The following TRAP1 variants were observed in gnomAD, a reference collection of about 807,000 sequenced individuals.
TRAP1 encodes heat shock protein 75 kDa, mitochondrial.
In TRAP1, 102 loss-of-function variants were observed where a neutral mutation model predicts 89.1. That is an observed-to-expected ratio of 1.15 (90% confidence interval 0.98 to 1.35). The LOEUF (loss-of-function observed/expected upper bound fraction) is 1.35. TRAP1 is among the 40% of genes most tolerant of loss of function. The probability of loss-of-function intolerance (pLI) is 0.00; values close to 1 mark genes in which losing one functional copy is unlikely to be tolerated. For missense variants in TRAP1, 1,256 were observed against 945.3 expected, an observed-to-expected ratio of 1.33 and a Z score of -4.31; for synonymous variants, 508 against 388.0, an observed-to-expected ratio of 1.31 and a Z score of -3.64.
intron 1 of TRAP1, among the ~76,000 whole-genome samples, chr16:3,712,844 G>T (rs530108778): frequency 1.3e-5 from 2 of 152,166 alleles, no homozygotes; most frequent in Non-Finnish European, 2.9e-5. Context: ...TCAAATTCCT[G>T]AACTCAAGTG....
Position 3,717,493 on chromosome 16 carries a change from G to T in TRAP1, c.16C>A (p.Arg6=). MAREL[R]ALLLWGRRLR... is the part of the protein sequence containing the mutation. ...CGGCGGCCCCACAGCAGCAGCGCCC[G>T]CAGCTCGCGCGCCATGTCGTACTCC... The change falls in exon 1 of 18, where the codon CGG becomes AGG. Residue 6 remains arginine, a synonymous_variant. Coordinates refer to ENST00000246957, the MANE Select transcript of TRAP1 (RefSeq NM_016292.3). The T allele has an allele frequency of 1.5e-6, 2 of 1,344,538 alleles. No individual in the cohort carries two copies. The highest frequency in any genetic ancestry group is 3.3e-5 in the East Asian group (1 of 30,456). The allele number at this position is 1,344,538 out of a possible 1,614,324, so 83.3% of individuals were successfully genotyped here.
At chr16:3,658,251 C>CCCATTATG in intron 17 of TRAP1, 21 bp from the exon 18 acceptor site, 1 of 1,596,798 alleles carries the variant, frequency 6.3e-7, no homozygotes, top group Non-Finnish European at 8.6e-7. Context: ...AGAGGAGAAA[C>CCCATTATG]CCATTATGAG....
intron 2 of TRAP1, 59 bp downstream of exon 2, chr16:3,690,768 C>T: frequency 7.5e-7 from 1 of 1,333,622 alleles, no homozygotes. Flanking sequence ...GAAAATGCCC[C>T]TTTACGCACA....
At chr16:3,701,729 G>A (rs1345308351) in intron 1 of TRAP1, among the ~76,000 whole-genome samples, 4 of 151,986 alleles carry the variant, frequency 2.6e-5, no homozygotes, top group Non-Finnish European at 5.9e-5. Context: ...CGTCCCTGAG[G>A]GAATATGTAC....
At chr16:3,692,718 C>G (rs1220046745) in intron 1 of TRAP1, among the ~76,000 whole-genome samples, 6 of 150,078 alleles carry the variant, frequency 4.0e-5, no homozygotes, top group Non-Finnish European at 8.9e-5. Flanking sequence ...CCTGCCTCAG[C>G]CTCCCGAGTA....
rs766726126 is a variant in TRAP1, at chr16:3,690,964, C to A, written c.110G>T (p.Arg37Leu). 5 of 1,539,182 alleles carry A rather than the reference C, an allele frequency of 3.2e-6. No homozygotes were observed. In the African/African-American group the frequency reaches 4.2e-5, roughly 13 times the overall value. Residue 37 changes from arginine to leucine, a missense_variant, in exon 2 of 18, where the codon CGG becomes CTG. Coordinates refer to ENST00000246957, the MANE Select transcript of TRAP1 (RefSeq NM_016292.3). ...VPGGKPILCP[R>L]RTTAQLGPRR... ...GGGGCCCAACTGGGCTGTGGTCCTC[C>A]GAGGACACAGAATTGGTTTTCCTGA...
intron 11 of TRAP1, among the ~76,000 whole-genome samples, chr16:3,667,772 T>C (rs1201487867): frequency 1.8e-3 from 18 of 9,980 alleles, no homozygotes; most frequent in African/African-American, 4.3e-3. Context: ...TTTTTTTTTT[T>C]CCATCCGACG....
rs1397284276 is a variant in TRAP1 at position 3,662,028 on chromosome 16, C to T, written c.1899G>A (p.Glu633=). The part of the protein sequence containing the change: ...RMQQLAKTQE[E]RAQLLQPTLE... Reference sequence around the variant, plus strand: ...GCGTGGGCTGCAGGAGCTGTGCGCGCTCCTCCTGGGTCTTGGCCAGCTGCT... The same window carrying T: ...GCGTGGGCTGCAGGAGCTGTGCGCGTTCCTCCTGGGTCTTGGCCAGCTGCT... The change falls in exon 16 of 18, where the codon GAG becomes GAA. Residue 633 remains glutamate (E), a synonymous_variant. Coordinates refer to ENST00000246957, the MANE Select transcript of TRAP1 (RefSeq NM_016292.3). The T allele has an allele frequency of 6.2e-7, 1 of 1,613,176 alleles. No homozygotes were observed. The highest frequency in any genetic ancestry group is 8.5e-7 in the Non-Finnish European group (1 of 1,179,928).
At chr16:3,687,840 CCT>C (rs2051157356) in intron 3 of TRAP1, among the ~76,000 whole-genome samples, 1 of 145,338 alleles carries the variant, frequency 6.9e-6, no homozygotes, top group Non-Finnish European at 1.5e-5. Flanking sequence ...AGACCCAGAC[CCT>C]GTTCCAAAAA....
At chr16:3,686,215 A>T in intron 3 of TRAP1, 79 bp from the exon 4 acceptor site, 1 of 1,500,888 alleles carries the variant, frequency 6.7e-7, no homozygotes, top group Non-Finnish European at 9.2e-7. Flanking sequence ...TGCACTTCCA[A>T]TAACTGTTAA....
chr16:3,665,310 G>C (rs755646700), intron 12 of TRAP1: 1 of 152,244 alleles, frequency 6.6e-6, no homozygotes, highest in Non-Finnish European at 1.5e-5. Flanking sequence ...GCACGGGATG[G>C]GCTCCTGGGA....
At chr16:3,683,996 T>C (rs2051106377) in intron 4 of TRAP1, among the ~76,000 whole-genome samples, 1 of 151,826 alleles carries the variant, frequency 6.6e-6, no homozygotes, top group African/African-American at 2.4e-5. Context: ...TGAAACCCCA[T>C]CTCTACTAAA....
intron 4 of TRAP1, chr16:3,680,236 A>G (rs1337697645): frequency 6.6e-6 from 1 of 151,160 alleles, no homozygotes; most frequent in Non-Finnish European, 1.5e-5. Context: ...CTCCATCTCA[A>G]AAAAAAAAAA....
Position 3,690,999 on chromosome 16 carries a change from T to C in TRAP1, c.89-14A>G, listed in dbSNP as rs140394857. The C allele has an allele frequency of 2.5e-4, 365 of 1,467,594 alleles. 3 individuals carry two copies. In the East Asian group the frequency reaches 9.3e-3, roughly 37 times the overall value. The allele number at this position is 1,467,594 out of a possible 1,614,324, so 90.9% of individuals were successfully genotyped here. A position where few individuals can be genotyped will look rare whatever the true frequency, so the allele number is the denominator to read the frequency against. ...GAATTGGTTTTCCTGAAAAGACAAA[T>C]ATGCAGAAAGAATGAGAATTAGGAA... On this transcript the variant is annotated splice_polypyrimidine_tract_variant and intron_variant, in intron 1 of 17. Transcript: ENST00000246957.
At chr16:3,660,581 G>C (rs916585599) in intron 16 of TRAP1, 2 of 152,210 alleles carry the variant, frequency 1.3e-5, no homozygotes, top group African/African-American at 4.8e-5. Flanking sequence ...TCACTGAGCT[G>C]CTCCAGCAGA....
intron 1 of TRAP1, among the ~76,000 whole-genome samples, chr16:3,702,946 G>T (rs1232367116): frequency 6.7e-6 from 1 of 149,410 alleles, no homozygotes; most frequent in African/African-American, 2.5e-5. Flanking sequence ...GGAGGCCGAG[G>T]TAGGAGAATC....
At chr16:3,662,439 A>G (rs1248679579) in intron 15 of TRAP1, 6 of 546,132 alleles carry the variant, frequency 1.1e-5, no homozygotes, top group Admixed American at 3.1e-5. Flanking sequence ...CCCTTCCTCC[A>G]AGTGACCATG....
chr16:3,690,706 C>G, intron 2 of TRAP1, 121 bp downstream of exon 2: 1 of 1,099,134 alleles, frequency 9.1e-7, no homozygotes, highest in Non-Finnish European at 1.2e-6. Flanking sequence ...CAGCCAAGAC[C>G]TTCTGATTTC....
chr16:3,663,016 C>A (rs778115978), intron 14 of TRAP1, 49 bp from the exon 15 acceptor site: 1 of 1,476,084 alleles, frequency 6.8e-7, no homozygotes, highest in African/African-American at 1.4e-5. Context: ...CCCAACTCCC[C>A]GGCTTCCATG....
Sources: gnomAD v4.1 joint callset for allele counts (sites outside exome capture counted in the v4.1 genomes callset) on GRCh38, gnomAD v4.1.1 for gene constraint, MANE v1.5 for transcripts, NCBI Gene and HGNC (gene_info 2026-07-23, HGNC 2026-07-21) for gene names.